Variants in PRKAG2 observed in about 807,000 individuals in gnomAD.
PRKAG2 encodes protein kinase AMP-activated non-catalytic subunit gamma 2.
Under a neutral mutation model 69.6 loss-of-function variants are expected in PRKAG2, and 26 were observed. The observed-to-expected ratio is 0.37, with a 90% CI of 0.27 to 0.52. PRKAG2 has a LOEUF of 0.52. Ranked by LOEUF, PRKAG2 falls within the 20% of genes least tolerant of loss-of-function variation. The pLI is 0.90. For synonymous variants in PRKAG2, 293 were observed against 285.0 expected, an observed-to-expected ratio of 1.03 and a Z score of -0.28; for missense variants, 557 against 740.0, an observed-to-expected ratio of 0.75 and a Z score of 2.87.
chr7:151,800,231 A>G (rs899265767), intron 1 of PRKAG2, among the ~76,000 whole-genome samples: 3 of 151,672 alleles, frequency 2.0e-5, no homozygotes, highest in East Asian at 1.9e-4. Context: ...GGTGGCGGGC[A>G]CCTGTAGTCC....
intron 5 of PRKAG2, among the ~76,000 whole-genome samples, chr7:151,600,788 A>T (rs1304889543): frequency 6.6e-6 from 1 of 152,066 alleles, no homozygotes; most frequent in Admixed American, 6.6e-5. Flanking sequence ...TCCTTGTTCA[A>T]TTTCAATCCA....
intron 6 of PRKAG2, among the ~76,000 whole-genome samples, chr7:151,587,759 A>G (rs1812036442): frequency 6.6e-6 from 1 of 152,220 alleles, no homozygotes. Context: ...CCACCTAAGG[A>G]GGCATGATGA....
chr7:151,832,220 G>A, intron 1 of PRKAG2, among the ~76,000 whole-genome samples: 1 of 115,000 alleles, frequency 8.7e-6, no homozygotes, highest in Non-Finnish European at 1.9e-5. Flanking sequence ...GAAGAGGAGG[G>A]GAGGAGGGAA....
rs73728432 is a variant in PRKAG2, at chr7:151,863,385, T to C, written c.114+13122A>G. On this transcript the variant is annotated intron_variant, in intron 1 of 15. Coordinates refer to ENST00000287878, the MANE Select transcript of PRKAG2 (RefSeq NM_016203.4). ...TTCCCAGGGACAGTGTGGGAGCCCTTTGCCTCAATCTGGGACAACTCTGAA... is the reference window on the plus strand; with the variant it reads ...TTCCCAGGGACAGTGTGGGAGCCCTCTGCCTCAATCTGGGACAACTCTGAA... 7.2e-3 allele frequency among the ~76,000 whole-genome samples: 1,093 copies of C among 152,172 alleles called. 14 individuals carry two copies. The highest frequency in any genetic ancestry group is 0.025 in the African/African-American group (1,050 of 41,506).
chr7:151,789,882 G>A (rs1414992388), intron 1 of PRKAG2, among the ~76,000 whole-genome samples: 3 of 152,110 alleles, frequency 2.0e-5, no homozygotes, highest in Admixed American at 6.5e-5. Context: ...TGCAACCCAA[G>A]CCCCATAGAT....
rs1795150574 is a variant in PRKAG2, at chr7:151,710,684, CTCAT to C, written c.467-35051_467-35048del. 2.6e-5 allele frequency among the ~76,000 whole-genome samples: 4 copies of C among 152,352 alleles called. No homozygotes were observed. The South Asian group carries it at 8.3e-4, about 32-fold the overall frequency. ...CTCACACACCCCCATTTGCCACATGCTCATTCAGCTTCATTTTTCTCTCTTCACT... is the reference window on the plus strand; with the variant it reads ...CTCACACACCCCCATTTGCCACATGCTCAGCTTCATTTTTCTCTCTTCACT... On this transcript the variant is annotated intron_variant, in intron 3 of 15. Coordinates refer to ENST00000287878, the MANE Select transcript of PRKAG2 (RefSeq NM_016203.4).
At chr7:151,825,109 G>T (rs2078878711) in intron 1 of PRKAG2, among the ~76,000 whole-genome samples, 1 of 152,172 alleles carries the variant, frequency 6.6e-6, no homozygotes, top group African/African-American at 2.4e-5. Context: ...AGCTACTCAG[G>T]AGGCTGAGGC....
intron 3 of PRKAG2, among the ~76,000 whole-genome samples, chr7:151,749,834 T>C (rs963535427): frequency 6.7e-6 from 1 of 150,028 alleles, no homozygotes; most frequent in Non-Finnish European, 1.5e-5. Context: ...TGGTGGCTCA[T>C]GCCTGTCATC....
intron 4 of PRKAG2, among the ~76,000 whole-genome samples, chr7:151,651,962 GA>G (rs1246251301): frequency 6.6e-6 from 1 of 152,168 alleles, no homozygotes; most frequent in Non-Finnish European, 1.5e-5. Flanking sequence ...TTTCATGGGA[GA>G]AATAAGTTCT....
intron 1 of PRKAG2, among the ~76,000 whole-genome samples, chr7:151,791,519 G>A (rs2077273124): frequency 6.6e-6 from 1 of 152,226 alleles, no homozygotes; most frequent in Non-Finnish European, 1.5e-5. Flanking sequence ...GGCACCAAGA[G>A]ATGCTGAAGC....
intron 5 of PRKAG2, among the ~76,000 whole-genome samples, chr7:151,603,037 G>C (rs1351556884): frequency 6.6e-6 from 1 of 152,148 alleles, no homozygotes; most frequent in East Asian, 1.9e-4. Context: ...GAGAACACAC[G>C]GTTTTTCTCA....
At chr7:151,589,614 C>A (rs181881572) in intron 6 of PRKAG2, among the ~76,000 whole-genome samples, 5 of 152,352 alleles carry the variant, frequency 3.3e-5, no homozygotes, top group Middle Eastern at 3.4e-3. Flanking sequence ...TGGCTTCTGT[C>A]TCCTGACTGA....
chr7:151,682,468 G>T (rs1393570689), intron 3 of PRKAG2, among the ~76,000 whole-genome samples: 2 of 152,128 alleles, frequency 1.3e-5, no homozygotes, highest in Admixed American at 1.3e-4. Context: ...TGAACTCCTG[G>T]TATCAAGTCA....
rs1381567996 is a variant in PRKAG2 at position 151,560,581 on chromosome 7, T to C, written c.1621A>G (p.Ile541Val). The change falls in exon 15 of 16, where the codon ATT (isoleucine) becomes GTT (valine). Residue 541 changes from isoleucine to valine, a missense_variant. Around this residue, in one of 2 missense-constraint regions of PRKAG2, gnomAD observed 205 missense variants for 383.4 expected, o/e 0.53. Transcript: ENST00000287878. ...RLVVVNEADS[I>V]VGIISLSDIL... is the part of the protein sequence containing the mutation. Reference sequence around the variant, plus strand: ...TCCGACAGGGAAATAATACCCACAATACTATCTGCTTCATTTACCACCACC... The same window carrying C: ...TCCGACAGGGAAATAATACCCACAACACTATCTGCTTCATTTACCACCACC... The C allele has an allele frequency of 6.2e-7, 1 of 1,613,692 alleles. No individual in the cohort carries two copies. The highest frequency in any genetic ancestry group is 1.3e-5 in the African/African-American group (1 of 74,872).
In PRKAG2 at chr7:151,702,773, G is replaced by A. The variant is rs1476871; in HGVS notation, c.467-27136C>T. 3.0e-3 allele frequency among the ~76,000 whole-genome samples: 461 copies of A among 152,326 alleles called. 4 individuals carry two copies. Among genetic ancestry groups the A allele is most frequent in the African/African-American group, 0.01 (422 of 41,570 alleles). On this transcript the variant is annotated intron_variant, in intron 3 of 15. Transcript: ENST00000287878. Reference sequence around the variant, plus strand: ...GAAGGCCTGGGGGGCACAGCCCCTAGGATAGCAAAGTTTTGGTTGAGGGGA... The same window carrying A: ...GAAGGCCTGGGGGGCACAGCCCCTAAGATAGCAAAGTTTTGGTTGAGGGGA...
In PRKAG2 at chr7:151,719,821, G is replaced by A. The variant is rs1448602038; in HGVS notation, c.467-44184C>T. On this transcript the variant is annotated intron_variant, in intron 3 of 15. Coordinates refer to ENST00000287878, the MANE Select transcript of PRKAG2 (RefSeq NM_016203.4). This position sits in a 1 kb window ranked among gnomAD's most constrained non-coding sequence, Gnocchi z 5.2. Reference sequence around the variant, plus strand: ...TCCCCCTGAGTTTGCCAGGCAGCCTGTAAGTTGGGGCTCCAAGTAACGCCT... The same window carrying A: ...TCCCCCTGAGTTTGCCAGGCAGCCTATAAGTTGGGGCTCCAAGTAACGCCT... Among the ~76,000 whole-genome samples the A allele has an allele frequency of 6.6e-6, 1 of 152,194 alleles. No individual in the cohort carries two copies. The highest frequency in any genetic ancestry group is 1.5e-5 in the Non-Finnish European group (1 of 68,034).
chr7:151,818,599 C>T (rs1486661100), intron 1 of PRKAG2, among the ~76,000 whole-genome samples: 1 of 152,240 alleles, frequency 6.6e-6, no homozygotes, highest in Non-Finnish European at 1.5e-5. Context: ...ACCAATAAAG[C>T]CCATATTCTA....
At chr7:151,794,663 C>T (rs376236863) in intron 1 of PRKAG2, among the ~76,000 whole-genome samples, 5 of 152,252 alleles carry the variant, frequency 3.3e-5, no homozygotes, top group East Asian at 1.9e-4. Flanking sequence ...GGCCTGAGAT[C>T]GGGTTTCAGA....
intron 11 of PRKAG2, among the ~76,000 whole-genome samples, chr7:151,566,118 G>A (rs542907227): frequency 1.3e-5 from 2 of 152,284 alleles, no homozygotes; most frequent in Admixed American, 6.5e-5. Flanking sequence ...GCAGAGCATT[G>A]ATACTGTAAT....
Sources: allele counts gnomAD v4.1 joint callset (sites outside exome capture counted in the v4.1 genomes callset), GRCh38; gene constraint gnomAD v4.1.1; regional missense constraint gnomAD v4.1.1; non-coding constraint Gnocchi (gnomAD v3.1); transcripts MANE v1.5; gene names NCBI Gene and HGNC (gene_info 2026-07-23, HGNC 2026-07-21).